The following GRID1 variants were observed in gnomAD, a reference collection of about 807,000 sequenced individuals.
The protein encoded by GRID1 is glutamate ionotropic receptor delta type subunit 1.
GRID1 carries 28 observed loss-of-function variants against 98.0 expected under a neutral mutation model. That is an observed-to-expected ratio of 0.29 (90% CI 0.21 to 0.39). The LOEUF (loss-of-function observed/expected upper bound fraction) is 0.39. GRID1 is among the 10% of genes least tolerant of loss of function. The probability of loss-of-function intolerance (pLI) is 1.00; values close to 1 mark genes in which losing one functional copy is unlikely to be tolerated. For missense variants in GRID1, 1,111 were observed against 1,340.5 expected (o/e 0.83, Z 2.67); for synonymous variants, 553 against 538.5 (o/e 1.03, Z -0.37).
Position 86,138,808 on chromosome 10 carries a change from C to G in GRID1, c.726+11G>C. The G allele has an allele frequency of 1.2e-6, 2 of 1,612,108 alleles. No homozygotes were observed. The highest frequency in any genetic ancestry group is 1.7e-6 in the Non-Finnish European group (2 of 1,178,370). On this transcript the variant is annotated intron_variant, in intron 4 of 15. Coordinates refer to ENST00000327946, the MANE Select transcript of GRID1 (RefSeq NM_017551.3). ...ACCAGGCCCCTGAGGCCTCAGGCCC[C>G]CATGACCTACCTCGTTGATGAAGGA...
chr10:86,174,643 G>A (rs2131995954), intron 3 of GRID1, among the ~76,000 whole-genome samples: 1 of 151,986 alleles, frequency 6.6e-6, no homozygotes, highest in South Asian at 2.1e-4. Flanking sequence ...TGACAAATAG[G>A]ATCTAATTAA....
chr10:85,873,992 C>T (rs934154217), intron 5 of GRID1, among the ~76,000 whole-genome samples: 1 of 152,196 alleles, frequency 6.6e-6, no homozygotes. Context: ...TGTGCACAAT[C>T]ACATTGTATG....
At chr10:86,086,513 G>A (rs1324054287) in intron 4 of GRID1, among the ~76,000 whole-genome samples, 1 of 152,202 alleles carries the variant, frequency 6.6e-6, no homozygotes, top group Admixed American at 6.5e-5. Flanking sequence ...CACACAGATA[G>A]TCAGCGACAG....
At chr10:85,973,384 A>T (rs1221011255) in intron 4 of GRID1, among the ~76,000 whole-genome samples, 1 of 152,130 alleles carries the variant, frequency 6.6e-6, no homozygotes, top group African/African-American at 2.4e-5. Flanking sequence ...TTTTTTTCCA[A>T]ATAACTAATA....
intron 8 of GRID1, among the ~76,000 whole-genome samples, chr10:85,760,983 A>G (rs555528356): frequency 6.8e-4 from 104 of 152,340 alleles, no homozygotes; most frequent in Non-Finnish European, 1.0e-3. Context: ...CCATGCACTG[A>G]GAACCCAATA....
chr10:85,778,187 G>T (rs1303891918), intron 8 of GRID1, among the ~76,000 whole-genome samples: 4 of 152,168 alleles, frequency 2.6e-5, no homozygotes, highest in African/African-American at 9.7e-5. Context: ...AGGGGCTCTG[G>T]AAGTGTCAGA....
intron 8 of GRID1, among the ~76,000 whole-genome samples, chr10:85,812,500 G>A (rs939379376): frequency 6.6e-6 from 1 of 152,042 alleles, no homozygotes; most frequent in African/African-American, 2.4e-5. Context: ...CTTGGAGATA[G>A]CAATGATTAG....
intron 3 of GRID1, among the ~76,000 whole-genome samples, chr10:86,191,835 T>C (rs1845806718): frequency 6.6e-6 from 1 of 152,152 alleles, no homozygotes; most frequent in Non-Finnish European, 1.5e-5. Flanking sequence ...TTGTCAGTAG[T>C]TCCTCATGTT....
At chr10:86,317,978 C>T (rs896183951) in intron 2 of GRID1, among the ~76,000 whole-genome samples, 6 of 152,154 alleles carry the variant, frequency 3.9e-5, no homozygotes, top group Admixed American at 3.9e-4. Context: ...TGGCCTCAAG[C>T]AATCCTCCCA....
intron 2 of GRID1, among the ~76,000 whole-genome samples, chr10:86,289,108 C>G (rs1847475578): frequency 6.6e-6 from 1 of 152,190 alleles, no homozygotes; most frequent in Non-Finnish European, 1.5e-5. Flanking sequence ...CAGAAGATCC[C>G]TGTCACTCAA....
chr10:85,732,554 C>G (rs1373746045), intron 8 of GRID1, among the ~76,000 whole-genome samples: 1 of 152,070 alleles, frequency 6.6e-6, no homozygotes, highest in Non-Finnish European at 1.5e-5. Flanking sequence ...TGGGATGAAG[C>G]CCTGAACATC....
intron 2 of GRID1, among the ~76,000 whole-genome samples, chr10:86,363,646 G>A (rs1205711249): frequency 6.6e-6 from 1 of 151,440 alleles, no homozygotes; most frequent in African/African-American, 2.4e-5. Context: ...GCACGCCTGC[G>A]CGGCCAGCGC....
Position 85,762,525 on chromosome 10 carries a change from T to G in GRID1, c.1234-32911A>C, listed in dbSNP as rs115190559. On this transcript the variant is annotated intron_variant, in intron 8 of 15. Coordinates refer to ENST00000327946, the MANE Select transcript of GRID1 (RefSeq NM_017551.3). ...AGACATTCTACTGTGGACCTTGAATTTGTGAGTTGCTCCCCAGTCTGCCCC... is the reference window on the plus strand; with the variant it reads ...AGACATTCTACTGTGGACCTTGAATGTGTGAGTTGCTCCCCAGTCTGCCCC... 3.5e-3 allele frequency among the ~76,000 whole-genome samples: 528 copies of G among 152,222 alleles called. 5 individuals are homozygous for G. The highest frequency in any genetic ancestry group is 0.012 in the African/African-American group (508 of 41,540).
At position 86,366,420 on chromosome 10, in the gene GRID1, C is replaced by A. The variant is rs1240214182; in HGVS notation, c.-28G>T. 12 of 1,469,976 alleles carry A rather than the reference C, an allele frequency of 8.2e-6. No individual in the cohort carries two copies. Among genetic ancestry groups the A allele is most frequent in the African/African-American group, 3.0e-5 (2 of 67,786 alleles). 91.1% of individuals were successfully genotyped at this position (1,469,976 alleles called of 1,614,324 possible). On this transcript the variant is annotated 5_prime_UTR_variant, in exon 1 of 16. Transcript: ENST00000327946. This position sits in a 1 kb window ranked among gnomAD's most constrained non-coding sequence, Gnocchi z 4.1. ...CCCCCGGGCGCGCGGCTCATCCACC[C>A]GGGCCCGGGGCGAGGCCGAGGGCAG...
chr10:85,823,346 G>C (rs1343094456), intron 8 of GRID1, among the ~76,000 whole-genome samples: 1 of 151,968 alleles, frequency 6.6e-6, no homozygotes, highest in Non-Finnish European at 1.5e-5. Context: ...TCCATGATAT[G>C]TTCAAGAAAC....
intron 1 of GRID1, 29 bp from the exon 2 acceptor site, chr10:86,364,125 C>T (rs1848642534): frequency 1.2e-6 from 2 of 1,604,804 alleles, no homozygotes; most frequent in Non-Finnish European, 8.5e-7. Flanking sequence ...CAAGACCGGA[C>T]CTGGACAAGA....
chr10:85,866,445 ATT>A lies in GRID1; in HGVS notation c.951+2563_951+2564del, dbSNP rs5786723. On this transcript the variant is annotated intron_variant, in intron 6 of 15. Transcript: ENST00000327946. Reference sequence around the variant, plus strand: ...AGGACAAGAAGTGTTTTTATTTGGGATTTTTTTTTTTCAGATTTTGAAATATT... The same window carrying A: ...AGGACAAGAAGTGTTTTTATTTGGGATTTTTTTTTCAGATTTTGAAATATT... Among the ~76,000 whole-genome samples, 697 of 148,748 alleles carry A rather than the reference ATT, an allele frequency of 4.7e-3. 5 individuals are homozygous for A. The highest frequency in any genetic ancestry group is 0.016 in the African/African-American group (655 of 40,534).
chr10:85,883,236 G>C (rs922807574), intron 5 of GRID1, among the ~76,000 whole-genome samples: 5 of 151,956 alleles, frequency 3.3e-5, no homozygotes, highest in Admixed American at 2.0e-4. Context: ...AACTTCAACT[G>C]TTAGATTCTT....
At chr10:86,242,066 G>A (rs1041691473) in intron 2 of GRID1, among the ~76,000 whole-genome samples, 9 of 152,204 alleles carry the variant, frequency 5.9e-5, no homozygotes, top group African/African-American at 1.9e-4. Flanking sequence ...ACAGATTTTT[G>A]TTGAGCATTT....
Sources: allele counts gnomAD v4.1 joint callset (sites outside exome capture counted in the v4.1 genomes callset), GRCh38; gene constraint gnomAD v4.1.1; non-coding constraint Gnocchi (gnomAD v3.1); transcripts MANE v1.5; gene names NCBI Gene and HGNC (gene_info 2026-07-23, HGNC 2026-07-21).